RBFOX1: variants seen among roughly 807,000 people sequenced by gnomAD.
RBFOX1 encodes RNA binding protein fox-1 homolog 1.
RBFOX1 carries 8 observed loss-of-function variants against 57.7 expected under a neutral mutation model. That is an observed-to-expected ratio of 0.14 (90% confidence interval 0.08 to 0.25). The LOEUF (loss-of-function observed/expected upper bound fraction) is 0.25, where lower values mean the gene tolerates loss of function less well. Ranked by LOEUF, RBFOX1 falls within the 10% of genes least tolerant of loss-of-function variation. The probability of loss-of-function intolerance (pLI) is 1.00; values close to 1 mark genes in which losing one functional copy is unlikely to be tolerated. For missense variants in RBFOX1, 611 were observed against 548.5 expected (o/e 1.11, Z -1.14); for synonymous variants, 326 against 222.4 (o/e 1.47, Z -4.15).
intron 14 of RBFOX1, among the ~76,000 whole-genome samples, chr16:7,687,365 G>A (rs2076285930): frequency 6.6e-6 from 1 of 152,008 alleles, no homozygotes; most frequent in Non-Finnish European, 1.5e-5. Flanking sequence ...TAGATTATGA[G>A]CTTCCAGACA....
intron 3 of RBFOX1, among the ~76,000 whole-genome samples, chr16:6,955,242 G>A (rs1408257371): frequency 6.6e-6 from 1 of 151,648 alleles, no homozygotes; most frequent in East Asian, 1.9e-4. Flanking sequence ...CCTTGTCTGG[G>A]AAGAAAAAAA....
At chr16:5,267,441 G>A (rs1249855924) in intron 1 of RBFOX1, among the ~76,000 whole-genome samples, 1 of 152,048 alleles carries the variant, frequency 6.6e-6, no homozygotes, top group East Asian at 1.9e-4. Context: ...GGGACTACAG[G>A]TACACTCCAC....
intron 3 of RBFOX1, among the ~76,000 whole-genome samples, chr16:5,699,947 C>G (rs1434599870): frequency 6.6e-6 from 1 of 152,136 alleles, no homozygotes; most frequent in South Asian, 2.1e-4. Context: ...CATTCTCCTG[C>G]TCAGCCTCCT....
At chr16:6,003,281 C>T (rs933402984) in intron 4 of RBFOX1, among the ~76,000 whole-genome samples, 1 of 77,584 alleles carries the variant, frequency 1.3e-5, no homozygotes, top group Admixed American at 1.3e-4. Context: ...ACTCTGTCTC[C>T]AAAAAAAAAA....
At chr16:7,244,697 C>T (rs1005685800) in intron 4 of RBFOX1, among the ~76,000 whole-genome samples, 1 of 152,176 alleles carries the variant, frequency 6.6e-6, no homozygotes, top group Non-Finnish European at 1.5e-5. Flanking sequence ...TTCCAGTTTT[C>T]ACTGACTTTC....
chr16:5,915,721 A>G (rs1036797665), intron 4 of RBFOX1, among the ~76,000 whole-genome samples: 9 of 151,734 alleles, frequency 5.9e-5, no homozygotes, highest in Admixed American at 6.6e-5. Flanking sequence ...AATCTCAGCT[A>G]CTCCGGAGGC....
chr16:5,902,369 C>T (rs2058324823), intron 4 of RBFOX1, among the ~76,000 whole-genome samples: 1 of 152,140 alleles, frequency 6.6e-6, no homozygotes, highest in African/African-American at 2.4e-5. Flanking sequence ...AAATGCTCTG[C>T]TGCCTTTCTT....
intron 3 of RBFOX1, among the ~76,000 whole-genome samples, chr16:6,872,978 G>C (rs1328810420): frequency 6.6e-6 from 1 of 152,038 alleles, no homozygotes; most frequent in Non-Finnish European, 1.5e-5. Flanking sequence ...TGAGTATAAT[G>C]CCATTGATTT....
intron 4 of RBFOX1, among the ~76,000 whole-genome samples, chr16:7,389,778 G>A (rs2097959335): frequency 6.6e-6 from 1 of 152,044 alleles, no homozygotes; most frequent in South Asian, 2.1e-4. Flanking sequence ...AAAATTTCTT[G>A]AGTATATAGA....
chr16:5,527,013 G>T (rs1412743175), intron 2 of RBFOX1, among the ~76,000 whole-genome samples: 1 of 152,210 alleles, frequency 6.6e-6, no homozygotes, highest in African/African-American at 2.4e-5. Context: ...TGAGTGTGAA[G>T]TGTTCAGCAT....
intron 1 of RBFOX1, among the ~76,000 whole-genome samples, chr16:6,164,105 C>G (rs1447393469): frequency 6.6e-6 from 1 of 152,132 alleles, no homozygotes; most frequent in Non-Finnish European, 1.5e-5. Context: ...AATGTTGCCT[C>G]TTTTGTTGTG....
chr16:6,653,422 A>G (rs1029624021), intron 2 of RBFOX1, among the ~76,000 whole-genome samples: 2 of 152,312 alleles, frequency 1.3e-5, no homozygotes, highest in East Asian at 1.9e-4. Flanking sequence ...AAGAGTTGCT[A>G]AAGAAATATC....
At chr16:5,532,704 C>G (rs2044536416) in intron 2 of RBFOX1, among the ~76,000 whole-genome samples, 1 of 152,214 alleles carries the variant, frequency 6.6e-6, no homozygotes, top group African/African-American at 2.4e-5. Context: ...GGCTCATACC[C>G]AGGCCTGAGA....
At chr16:7,007,719 AG>A (rs1386343455) in intron 3 of RBFOX1, among the ~76,000 whole-genome samples, 1 of 152,202 alleles carries the variant, frequency 6.6e-6, no homozygotes, top group Non-Finnish European at 1.5e-5. Flanking sequence ...TTGACTATAC[AG>A]GGTAAACTCC....
chr16:6,921,788 ACAC>A (rs1398169115), intron 3 of RBFOX1, among the ~76,000 whole-genome samples: 1 of 98,348 alleles, frequency 1.0e-5, no homozygotes, highest in Non-Finnish European at 2.4e-5. Flanking sequence ...TTGTATATGC[ACAC>A]ACACATGAAC....
Position 6,019,595 on chromosome 16 carries a change from G to A in RBFOX1, c.-524G>A, listed in dbSNP as rs2095028352. 8.3e-7 allele frequency: 1 copy of A among 1,206,652 alleles called. No individual in the cohort carries two copies. Among genetic ancestry groups the A allele is most frequent in the Non-Finnish European group, 1.0e-6 (1 of 971,360 alleles). 74.7% of individuals were successfully genotyped at this position (1,206,652 alleles called of 1,614,324 possible). On this transcript the variant is annotated 5_prime_UTR_variant, in exon 1 of 16. Transcript: ENST00000550418. This position sits in a 1 kb window ranked among gnomAD's most constrained non-coding sequence, Gnocchi z 4.2. ...CCACGCGCGCGCCTCCGGGGCTGAA[G>A]AAGGAAGGAGTGAGCCGAGCCGAGC...
At position 5,768,790 on chromosome 16, in the gene RBFOX1, T is replaced by A. The variant is rs75716791; in HGVS notation, c.319-98513T>A. On this transcript the variant is annotated intron_variant, in intron 3 of 19. Coordinates refer to the RBFOX1 transcript ENST00000641259. Reference sequence around the variant, plus strand: ...TTAGTAGCAAATGGCTTCTGTTGTGTCCAAATGGAGTCCCCTCCACGGAAC... The same window carrying A: ...TTAGTAGCAAATGGCTTCTGTTGTGACCAAATGGAGTCCCCTCCACGGAAC... 1.6e-4 allele frequency among the ~76,000 whole-genome samples: 25 copies of A among 152,238 alleles called. No homozygotes were observed. The South Asian group carries it at 4.6e-3, about 28-fold the overall frequency.
At chr16:7,129,391 G>A (rs894670949) in intron 4 of RBFOX1, among the ~76,000 whole-genome samples, 1 of 152,100 alleles carries the variant, frequency 6.6e-6, no homozygotes, top group Non-Finnish European at 1.5e-5. Context: ...AAGTGGCATA[G>A]GAACAGTAGC....
chr16:5,923,574 C>A (rs1240394918), intron 4 of RBFOX1, among the ~76,000 whole-genome samples: 3 of 131,350 alleles, frequency 2.3e-5, no homozygotes, highest in African/African-American at 8.6e-5. Context: ...TAGAGCCTTG[C>A]TGTGTGGCCC....
Sources: gnomAD v4.1 joint callset for allele counts (sites outside exome capture counted in the v4.1 genomes callset) on GRCh38, gnomAD v4.1.1 for gene constraint, Gnocchi (gnomAD v3.1) non-coding constraint, MANE v1.5 for transcripts, NCBI Gene and HGNC (gene_info 2026-07-23, HGNC 2026-07-21) for gene names.